The following NRG1 variants were observed in gnomAD, a reference collection of about 807,000 sequenced individuals.
The protein encoded by NRG1 is pro-neuregulin-1, membrane-bound isoform.
Under a neutral mutation model 63.8 loss-of-function variants are expected in NRG1, and 18 were observed. The observed-to-expected ratio is 0.28, with a 90% CI of 0.19 to 0.42. The LOEUF is 0.42. NRG1 is among the 10% of genes least tolerant of loss of function. NRG1 has a pLI of 1.00. For synonymous variants in NRG1, 302 were observed against 301.3 expected (o/e 1.00, Z -0.02); for missense variants, 762 against 814.7 (o/e 0.94, Z 0.79).
At chr8:32,446,187 T>C (rs1820221997) in intron 1 of NRG1, among the ~76,000 whole-genome samples, 1 of 152,162 alleles carries the variant, frequency 6.6e-6, no homozygotes, top group South Asian at 2.1e-4. Flanking sequence ...TGATCTGAAA[T>C]GGCATTTCAT....
chr8:31,779,728 C>T (rs1224604524), intron 1 of NRG1, among the ~76,000 whole-genome samples: 1 of 152,038 alleles, frequency 6.6e-6, no homozygotes, highest in Non-Finnish European at 1.5e-5. Flanking sequence ...GCCAGGAGAC[C>T]CAAGTTCCTG....
chr8:31,643,903 A>G (rs915994867), intron 1 of NRG1, among the ~76,000 whole-genome samples: 2 of 152,218 alleles, frequency 1.3e-5, no homozygotes, highest in African/African-American at 4.8e-5. Flanking sequence ...AGATTTGTAC[A>G]TCAATTCTGA....
At chr8:32,384,013 T>C (rs973780976) in intron 1 of NRG1, among the ~76,000 whole-genome samples, 2 of 152,152 alleles carry the variant, frequency 1.3e-5, no homozygotes, top group Non-Finnish European at 2.9e-5. Flanking sequence ...GGAGGGAGGA[T>C]CACTTGAGCC....
chr8:32,735,146 G>A (rs1413188362), intron 6 of NRG1, among the ~76,000 whole-genome samples: 2 of 152,092 alleles, frequency 1.3e-5, no homozygotes, highest in Non-Finnish European at 2.9e-5. Context: ...TGTATATAGA[G>A]TCAATTTAAA....
At chr8:32,383,780 C>G (rs1024355331) in intron 1 of NRG1, among the ~76,000 whole-genome samples, 1 of 152,210 alleles carries the variant, frequency 6.6e-6, no homozygotes, top group African/African-American at 2.4e-5. Context: ...AAGGACAGTG[C>G]AGACTAGAGG....
chr8:32,499,295 A>G (rs1042312579), intron 1 of NRG1, among the ~76,000 whole-genome samples: 65 of 152,208 alleles, frequency 4.3e-4, no homozygotes, highest in African/African-American at 1.4e-3. Flanking sequence ...AGGCATTTCT[A>G]TGAAAACAAA....
At chr8:32,695,040 C>A (rs946874631) in intron 5 of NRG1, among the ~76,000 whole-genome samples, 1 of 152,034 alleles carries the variant, frequency 6.6e-6, no homozygotes, top group Admixed American at 6.6e-5. Context: ...CTAAAATATA[C>A]CAGCAAAGTT....
intron 1 of NRG1, among the ~76,000 whole-genome samples, chr8:32,083,704 G>T (rs532845882): frequency 9.6e-3 from 81 of 8,448 alleles, no homozygotes; most frequent in African/African-American, 0.01. Flanking sequence ...TTAGATAACA[G>T]GTCAGCAACA....
intron 1 of NRG1, among the ~76,000 whole-genome samples, chr8:32,050,609 A>T (rs1283713457): frequency 1.3e-5 from 2 of 152,074 alleles, no homozygotes; most frequent in Non-Finnish European, 2.9e-5. Flanking sequence ...AACCATACAT[A>T]GTGTTCTCTC....
intron 1 of NRG1, among the ~76,000 whole-genome samples, chr8:32,363,642 A>G (rs953135497): frequency 1.3e-5 from 2 of 152,050 alleles, no homozygotes; most frequent in African/African-American, 2.4e-5. Context: ...CCTCTCTTCT[A>G]TCACTCTCTT....
chr8:32,184,819 A>T (rs1841808645), intron 1 of NRG1, among the ~76,000 whole-genome samples: 1 of 152,326 alleles, frequency 6.6e-6, no homozygotes, highest in Non-Finnish European at 1.5e-5. Flanking sequence ...AATTTTCAGA[A>T]TGGCAGTGAG....
At chr8:32,048,679 A>G (rs1165266980) in intron 1 of NRG1, among the ~76,000 whole-genome samples, 1 of 151,650 alleles carries the variant, frequency 6.6e-6, no homozygotes, top group Non-Finnish European at 1.5e-5. Context: ...GTGTGAGGTG[A>G]TATCGCATTG....
chr8:31,934,823 G>C (rs1835169018), intron 1 of NRG1, among the ~76,000 whole-genome samples: 1 of 152,018 alleles, frequency 6.6e-6, no homozygotes, highest in Non-Finnish European at 1.5e-5. Flanking sequence ...GATGGCAAAA[G>C]TCATTATTAA....
At chr8:32,734,011 A>T (rs1824384066) in intron 6 of NRG1, among the ~76,000 whole-genome samples, 1 of 152,232 alleles carries the variant, frequency 6.6e-6, no homozygotes, top group Non-Finnish European at 1.5e-5. Flanking sequence ...GGAGCCACTT[A>T]ATGACCTCTG....
At chr8:32,629,917 T>C (rs1662246085) in intron 5 of NRG1, among the ~76,000 whole-genome samples, 1 of 152,198 alleles carries the variant, frequency 6.6e-6, no homozygotes, top group Non-Finnish European at 1.5e-5. Flanking sequence ...TTAATAATAA[T>C]AATAGATGAC....
At chr8:32,457,863 T>C (rs1821798556) in intron 1 of NRG1, among the ~76,000 whole-genome samples, 1 of 152,152 alleles carries the variant, frequency 6.6e-6, no homozygotes, top group African/African-American at 2.4e-5. Flanking sequence ...AGAAGCAAAT[T>C]ATTCAGATGC....
At chr8:32,648,624 C>T (rs1390234881) in intron 5 of NRG1, among the ~76,000 whole-genome samples, 1 of 152,106 alleles carries the variant, frequency 6.6e-6, no homozygotes, top group Non-Finnish European at 1.5e-5. Context: ...AATCTGGTAC[C>T]GGGAATGAAA....
At chr8:32,441,767 T>C (rs962307541) in intron 1 of NRG1, among the ~76,000 whole-genome samples, 1 of 152,022 alleles carries the variant, frequency 6.6e-6, no homozygotes, top group Non-Finnish European at 1.5e-5. Context: ...AACAATAAAT[T>C]AGAAATGTAA....
chr8:31,663,590 T>G (rs1006323355), intron 1 of NRG1, among the ~76,000 whole-genome samples: 4 of 152,218 alleles, frequency 2.6e-5, no homozygotes, highest in African/African-American at 9.6e-5. Context: ...AAAGGGTATT[T>G]TACATAAAGC....
Sources: allele counts gnomAD v4.1 joint callset (sites outside exome capture counted in the v4.1 genomes callset), GRCh38; gene constraint gnomAD v4.1.1; transcripts MANE v1.5; gene names NCBI Gene and HGNC (gene_info 2026-07-23, HGNC 2026-07-21).